The following DPYD variants were observed in gnomAD, a reference collection of about 807,000 sequenced individuals.
DPYD encodes dihydropyrimidine dehydrogenase [NADP(+)].
DPYD carries 109 observed loss-of-function variants against 116.2 expected under a neutral mutation model. The ratio of observed to expected loss-of-function variants is 0.94; its 90% CI spans 0.80 to 1.10. The LOEUF is 1.10. DPYD is among the 50% of genes least tolerant of loss of function. DPYD has a pLI of 0.00. For synonymous variants in DPYD, 440 were observed against 432.0 expected, an observed-to-expected ratio of 1.02 and a Z score of -0.23; for missense variants, 1,302 against 1,254.5, an observed-to-expected ratio of 1.04 and a Z score of -0.57.
chr1:97,641,823 G>C (rs1264983378), intron 8 of DPYD, among the ~76,000 whole-genome samples: 1 of 152,190 alleles, frequency 6.6e-6, no homozygotes, highest in Non-Finnish European at 1.5e-5. Flanking sequence ...CCTGTTTGCA[G>C]ATGACATGAT....
intron 11 of DPYD, among the ~76,000 whole-genome samples, chr1:97,569,472 T>C (rs575460264): frequency 1.3e-5 from 2 of 148,662 alleles, no homozygotes; most frequent in South Asian, 4.2e-4. Context: ...TATAATAAAA[T>C]ATACATATAC....
intron 14 of DPYD, among the ~76,000 whole-genome samples, chr1:97,406,107 A>G (rs771354219): frequency 1.1e-4 from 16 of 152,022 alleles, no homozygotes; most frequent in Non-Finnish European, 1.6e-4. Flanking sequence ...AGGTTTTCCT[A>G]CGCTGGTCCT....
At chr1:97,104,414 GC>G (rs1404731624) in intron 20 of DPYD, among the ~76,000 whole-genome samples, 1 of 152,016 alleles carries the variant, frequency 6.6e-6, no homozygotes, top group Non-Finnish European at 1.5e-5. Flanking sequence ...TTTATAAGGA[GC>G]CAGACACTTG....
intron 3 of DPYD, among the ~76,000 whole-genome samples, chr1:97,765,515 T>C (rs1325457141): frequency 6.6e-6 from 1 of 152,136 alleles, no homozygotes; most frequent in Non-Finnish European, 1.5e-5. Context: ...ATTCCATTTT[T>C]ACTTAACAGC....
At chr1:97,824,594 T>A (rs573673260) in intron 3 of DPYD, among the ~76,000 whole-genome samples, 2 of 152,158 alleles carry the variant, frequency 1.3e-5, no homozygotes, top group Non-Finnish European at 2.9e-5. Context: ...TGGAGAACAT[T>A]TCTCTCATCA....
At chr1:97,901,106 C>T (rs1673347710) in intron 1 of DPYD, among the ~76,000 whole-genome samples, 2 of 151,754 alleles carry the variant, frequency 1.3e-5, no homozygotes, top group South Asian at 4.2e-4. Flanking sequence ...TACAGTATGC[C>T]AGGCACCCCT....
chr1:97,687,048 G>A (rs2780852), intron 7 of DPYD, among the ~76,000 whole-genome samples: 145,556 of 152,278 alleles, frequency 0.96, 69,664 homozygotes, highest in Middle Eastern at 1. Context: ...AGGCAAGCGG[G>A]TCACTTGAGA....
chr1:97,204,568 T>A (rs1333378506), intron 19 of DPYD, among the ~76,000 whole-genome samples: 1 of 152,140 alleles, frequency 6.6e-6, no homozygotes, highest in African/African-American at 2.4e-5. Context: ...GATGACCATA[T>A]AATTTACCAT....
intron 14 of DPYD, among the ~76,000 whole-genome samples, chr1:97,400,428 T>C (rs977341222): frequency 6.6e-6 from 1 of 152,206 alleles, no homozygotes; most frequent in Non-Finnish European, 1.5e-5. Flanking sequence ...GTTGTGTCTC[T>C]GCCAGACTTT....
chr1:97,630,341 T>C (rs2100792260), intron 8 of DPYD, among the ~76,000 whole-genome samples: 1 of 152,218 alleles, frequency 6.6e-6, no homozygotes, highest in African/African-American at 2.4e-5. Flanking sequence ...CCAAAACTCC[T>C]TTAAGTACTT....
At chr1:97,296,403 C>A (rs1666532435) in intron 18 of DPYD, among the ~76,000 whole-genome samples, 1 of 151,950 alleles carries the variant, frequency 6.6e-6, no homozygotes, top group South Asian at 2.1e-4. Flanking sequence ...TTTAGATAAA[C>A]AAGGATTTCC....
intron 13 of DPYD, among the ~76,000 whole-genome samples, chr1:97,513,159 T>C (rs1005904812): frequency 5.3e-5 from 8 of 151,622 alleles, no homozygotes; most frequent in Non-Finnish European, 1.2e-4. Context: ...ATCTGGCATC[T>C]ACAAATGTCA....
chr1:97,340,156 T>C (rs1669518563), intron 16 of DPYD, among the ~76,000 whole-genome samples: 2 of 151,464 alleles, frequency 1.3e-5, no homozygotes, highest in Admixed American at 6.6e-5. Flanking sequence ...AATAAGTAAA[T>C]AGGTCATTTA....
At chr1:97,649,797 C>A (rs1481469658) in intron 8 of DPYD, among the ~76,000 whole-genome samples, 1 of 151,896 alleles carries the variant, frequency 6.6e-6, no homozygotes, top group African/African-American at 2.4e-5. Flanking sequence ...AAGCCATGAC[C>A]ATTCCTGGAA....
intron 18 of DPYD, among the ~76,000 whole-genome samples, chr1:97,251,889 C>T (rs901062215): frequency 6.6e-6 from 1 of 152,046 alleles, no homozygotes; most frequent in Admixed American, 6.5e-5. Context: ...AAGTGAGACC[C>T]CAGAGCCAAA....
At chr1:97,183,854 T>G (rs1355500281) in intron 20 of DPYD, among the ~76,000 whole-genome samples, 2 of 152,060 alleles carry the variant, frequency 1.3e-5, no homozygotes, top group Admixed American at 6.6e-5. Context: ...CAGGTTATTT[T>G]GTCACTCAGG....
chr1:97,500,752 G>T (rs1445930444), intron 13 of DPYD, among the ~76,000 whole-genome samples: 4 of 152,046 alleles, frequency 2.6e-5, no homozygotes. Context: ...CAGAATAGCT[G>T]CAGAACTGAA....
chr1:97,213,210 T>G (rs1195843650), intron 19 of DPYD, among the ~76,000 whole-genome samples: 1 of 152,096 alleles, frequency 6.6e-6, no homozygotes, highest in African/African-American at 2.4e-5. Flanking sequence ...TATTCCAACA[T>G]ATACATTTTG....
At chr1:97,270,001 A>C (rs913947933) in intron 18 of DPYD, among the ~76,000 whole-genome samples, 1 of 152,212 alleles carries the variant, frequency 6.6e-6, no homozygotes, top group African/African-American at 2.4e-5. Context: ...ATTTGGCTCA[A>C]ATGAAGAACT....
Sources: allele counts gnomAD v4.1 joint callset (sites outside exome capture counted in the v4.1 genomes callset), GRCh38; gene constraint gnomAD v4.1.1; transcripts MANE v1.5; gene names NCBI Gene and HGNC (gene_info 2026-07-23, HGNC 2026-07-21).